Variants in LGR5 observed in about 807,000 individuals in gnomAD.
LGR5 encodes leucine rich repeat containing G protein-coupled receptor 5, also known as leucine-rich repeat-containing G protein-coupled receptor 5.
In LGR5, 54 loss-of-function variants were observed where a neutral mutation model predicts 76.7. The observed-to-expected ratio is 0.70, with a 90% CI of 0.57 to 0.88. The LOEUF (loss-of-function observed/expected upper bound fraction) is 0.88, where lower values mean the gene tolerates loss of function less well. Ranked by LOEUF, LGR5 falls within the 40% of genes least tolerant of loss-of-function variation. The pLI, the probability that LGR5 is intolerant of heterozygous loss-of-function variation, is 0.00. For synonymous variants in LGR5, 406 were observed against 421.9 expected, an observed-to-expected ratio of 0.96 and a Z score of 0.46; for missense variants, 1,078 against 1,073.3, an observed-to-expected ratio of 1.00 and a Z score of -0.06.
At chr12:71,474,817 T>A (rs1481755149) in intron 1 of LGR5, among the ~76,000 whole-genome samples, 1 of 152,202 alleles carries the variant, frequency 6.6e-6, no homozygotes, top group Non-Finnish European at 1.5e-5. Flanking sequence ...AAAAAGTGAA[T>A]TATGTAATTC....
chr12:71,449,564 G>T (rs1020050381), intron 1 of LGR5, among the ~76,000 whole-genome samples: 4 of 152,150 alleles, frequency 2.6e-5, no homozygotes, highest in African/African-American at 9.7e-5. Context: ...CCTCCCAGCT[G>T]CTGGCCTTCC....
intron 3 of LGR5, among the ~76,000 whole-genome samples, chr12:71,529,787 C>A (rs1345493357): frequency 6.6e-6 from 1 of 152,050 alleles, no homozygotes; most frequent in African/African-American, 2.4e-5. Flanking sequence ...GAAACCTCAT[C>A]TCTACTAAAA....
chr12:71,577,154 T>C (rs188486132), intron 13 of LGR5, among the ~76,000 whole-genome samples: 6 of 152,344 alleles, frequency 3.9e-5, no homozygotes, highest in East Asian at 3.9e-4. Context: ...TTCTCTCAAA[T>C]GCCTACATCT....
chr12:71,570,460 T>C (rs11178855), intron 11 of LGR5, among the ~76,000 whole-genome samples: 7,493 of 152,212 alleles, frequency 0.049, 364 homozygotes, highest in African/African-American at 0.13. Flanking sequence ...CTTTGCAGCC[T>C]GCAGAGATGA....
At chr12:71,535,052 C>G in intron 3 of LGR5, 63 bp from the exon 4 acceptor site, 1 of 1,156,522 alleles carries the variant, frequency 8.6e-7, no homozygotes, top group Non-Finnish European at 1.3e-6. Flanking sequence ...AGTGCCTGGC[C>G]TTGTTTAGGC....
intron 1 of LGR5, among the ~76,000 whole-genome samples, chr12:71,450,351 C>T (rs1425741065): frequency 6.6e-6 from 1 of 152,176 alleles, no homozygotes; most frequent in African/African-American, 2.4e-5. Context: ...ACTGTAAATA[C>T]AGACACAGTG....
intron 1 of LGR5, among the ~76,000 whole-genome samples, chr12:71,457,157 C>G (rs1015640858): frequency 1.3e-5 from 2 of 152,154 alleles, no homozygotes; most frequent in African/African-American, 2.4e-5. Flanking sequence ...GTTACTAGTT[C>G]TTTTCGAACA....
At chr12:71,496,391 A>AAGAGAG (rs561223061) in intron 1 of LGR5, among the ~76,000 whole-genome samples, 2 of 115,054 alleles carry the variant, frequency 1.7e-5, no homozygotes, top group Non-Finnish European at 1.7e-5. Context: ...AAAAAAAAAA[A>AAGAGAG]AGAGAGAGAG....
chr12:71,471,836 A>G (rs983988136), intron 1 of LGR5, among the ~76,000 whole-genome samples: 1 of 152,192 alleles, frequency 6.6e-6, no homozygotes, highest in African/African-American at 2.4e-5. Context: ...TGCCTGTGAC[A>G]TAATAGCACT....
intron 2 of LGR5, among the ~76,000 whole-genome samples, chr12:71,519,000 C>A (rs1875589264): frequency 6.6e-6 from 1 of 152,100 alleles, no homozygotes; most frequent in Non-Finnish European, 1.5e-5. Flanking sequence ...AAATATATAA[C>A]AAAAGGGTCC....
intron 2 of LGR5, among the ~76,000 whole-genome samples, chr12:71,514,419 T>G (rs534737368): frequency 2.0e-5 from 3 of 151,932 alleles, no homozygotes; most frequent in Non-Finnish European, 4.4e-5. Flanking sequence ...ACATAAAAAA[T>G]TAGCCGGGCG....
intron 1 of LGR5, among the ~76,000 whole-genome samples, chr12:71,458,357 C>T (rs1872568963): frequency 6.6e-6 from 1 of 152,004 alleles, no homozygotes; most frequent in South Asian, 2.1e-4. Context: ...CAACAAGCTT[C>T]AAGGTTATAG....
At chr12:71,542,450 G>A (rs935966262) in intron 4 of LGR5, among the ~76,000 whole-genome samples, 1 of 152,158 alleles carries the variant, frequency 6.6e-6, no homozygotes, top group African/African-American at 2.4e-5. Context: ...AGTCTTTACT[G>A]TAAAAGCAAT....
intron 8 of LGR5, among the ~76,000 whole-genome samples, chr12:71,564,807 A>C (rs986403182): frequency 6.7e-6 from 1 of 149,978 alleles, no homozygotes; most frequent in Non-Finnish European, 1.5e-5. Context: ...ATATGTACAC[A>C]CACTGTATAT....
At chr12:71,552,918 A>G (rs1366633125) in intron 4 of LGR5, among the ~76,000 whole-genome samples, 155 bp from the exon 5 acceptor site, 1 of 152,008 alleles carries the variant, frequency 6.6e-6, no homozygotes, top group Non-Finnish European at 1.5e-5. Flanking sequence ...AGGAGAGATC[A>G]TCTGGAGAGG....
At chr12:71,514,707 C>G (rs1023748004) in intron 2 of LGR5, among the ~76,000 whole-genome samples, 9 of 152,158 alleles carry the variant, frequency 5.9e-5, no homozygotes, top group African/African-American at 2.2e-4. Flanking sequence ...ACCTTGAAAT[C>G]TGAATGTTTT....
At chr12:71,495,963 G>A (rs1432860489) in intron 1 of LGR5, among the ~76,000 whole-genome samples, 1 of 152,074 alleles carries the variant, frequency 6.6e-6, no homozygotes, top group African/African-American at 2.4e-5. Context: ...GCAAAAAAAG[G>A]GTATCCTGAT....
chr12:71,541,860 A>G (rs1252078125), intron 4 of LGR5, among the ~76,000 whole-genome samples: 1 of 152,210 alleles, frequency 6.6e-6, no homozygotes, highest in Admixed American at 6.5e-5. Context: ...ACCAGATTCC[A>G]GAATCTGACC....
chr12:71,538,167 A>T (rs1381814940), intron 4 of LGR5, among the ~76,000 whole-genome samples: 1 of 152,142 alleles, frequency 6.6e-6, no homozygotes, highest in Non-Finnish European at 1.5e-5. Flanking sequence ...GGCTACAAAT[A>T]AGATTCTTCT....
Sources: gnomAD v4.1 joint callset for allele counts (sites outside exome capture counted in the v4.1 genomes callset) on GRCh38, gnomAD v4.1.1 for gene constraint, MANE v1.5 for transcripts, NCBI Gene and HGNC (gene_info 2026-07-23, HGNC 2026-07-21) for gene names.